MEGF6: variants seen among roughly 807,000 people sequenced by gnomAD.
MEGF6 encodes multiple epidermal growth factor-like domains protein 6.
MEGF6 carries 184 observed loss-of-function variants against 207.1 expected under a neutral mutation model. The observed-to-expected ratio is 0.89, with a 90% CI of 0.79 to 1.00. The LOEUF is 1.00. Ranked by LOEUF, MEGF6 falls within the 50% of genes least tolerant of loss-of-function variation. The pLI is 0.00. For missense variants in MEGF6, 2,282 were observed against 2,202.9 expected (o/e 1.04, Z -0.72); for synonymous variants, 1,038 against 910.0 (o/e 1.14, Z -2.53).
At chr1:3,510,924 C>A (rs757079756) in intron 9 of MEGF6, 22 bp from the exon 10 acceptor site, 2 of 1,583,874 alleles carry the variant, frequency 1.3e-6, no homozygotes, top group Admixed American at 3.4e-5. Flanking sequence ...ACGCCACGGG[C>A]CCCCTGGTAC....
Position 3,499,614 on chromosome 1 carries a change from C to A in MEGF6, c.2939G>T (p.Gly980Val). 6.3e-7 allele frequency: 1 copy of A among 1,587,024 alleles called. No individual in the cohort carries two copies. The highest frequency in any genetic ancestry group is 8.6e-7 in the Non-Finnish European group (1 of 1,167,734). ...CTCGGCACAGCGGGGGCCCCGGCGG[C>A]CAGCGGGGCAGAGGCAGGAGCCATT... ...AVNGSCLCPA[G>V]RRGPRCAETC... is the part of the protein sequence containing the mutation. Residue 980 changes from glycine to valine, a missense_variant, in exon 23 of 37, where the codon GGC (glycine) becomes GTC (valine). Transcript: ENST00000356575.
intron 3 of MEGF6, among the ~76,000 whole-genome samples, chr1:3,592,831 C>T (rs184450121): frequency 0.017 from 2,518 of 152,338 alleles, 61 homozygotes; most frequent in South Asian, 0.091. Context: ...ACAAGCAAAT[C>T]TTGCGCTAAA....
At position 3,525,623 on chromosome 1, in the gene MEGF6, G is replaced by GCA. The variant is rs570576992; in HGVS notation, c.482-1379_482-1378dup. Among the ~76,000 whole-genome samples, 487 of 152,344 alleles carry GCA rather than the reference G, an allele frequency of 3.2e-3. 4 individuals are homozygous for GCA. Among genetic ancestry groups the GCA allele is most frequent in the Non-Finnish European group, 5.4e-3 (366 of 68,026 alleles). ...ACCTGCTCCTGTCCCCAGCCCCGTG[G>GCA]CACAGGCCACAGGGAAAGTGCTGGC... is the stretch of plus-strand genomic sequence containing the variant. On this transcript the variant is annotated intron_variant, in intron 4 of 36. Coordinates refer to ENST00000356575, the MANE Select transcript of MEGF6 (RefSeq NM_001409.4).
At chr1:3,514,459 C>T (rs746402907) in intron 7 of MEGF6, 91 bp downstream of exon 7, 318 of 1,447,212 alleles carry the variant, frequency 2.2e-4, no homozygotes, top group Admixed American at 3.6e-4. Context: ...CATGGGAGGC[C>T]ACGGCCCCAG....
In MEGF6 at chr1:3,507,290, G is replaced by T. The variant is rs183509685; in HGVS notation, c.1789+505C>A. Among the ~76,000 whole-genome samples, 141 of 152,338 alleles carry T rather than the reference G, an allele frequency of 9.3e-4. 1 individual carries two copies. The highest frequency in any genetic ancestry group is 6.9e-3 in the Admixed American group (105 of 15,308). ...AGAGGCAGAAATGATGAAGTCTGAA[G>T]ACTTAAAGATGAAGCTTTAGCCACC... On this transcript the variant is annotated intron_variant, in intron 14 of 36. Coordinates refer to ENST00000356575, the MANE Select transcript of MEGF6 (RefSeq NM_001409.4).
rs1361988554 is a variant in MEGF6, at chr1:3,611,238, C to T, written c.31G>A (p.Gly11Arg). 1 of 1,531,192 alleles carries T rather than the reference C, an allele frequency of 6.5e-7. No individual in the cohort carries two copies. The highest frequency in any genetic ancestry group is 1.2e-5 in the South Asian group (1 of 82,994). The allele number at this position is 1,531,192 out of a possible 1,614,324, so 94.9% of individuals were successfully genotyped here. Residue 11 changes from glycine (G) to arginine (R), a missense_variant, in exon 1 of 37, where the codon GGG (glycine) becomes AGG (arginine). Transcript: ENST00000356575. MSFLEEARAA[G>R]RAVVLALVLL... ...ACCAACGCCAGGACCACCGCGCGCC[C>T]CGCTGCCCTCGCCTCTTCAAGGAAC... is the stretch of plus-strand genomic sequence containing the variant.
chr1:3,549,794 G>A (rs1642827369), intron 4 of MEGF6, among the ~76,000 whole-genome samples: 1 of 152,234 alleles, frequency 6.6e-6, no homozygotes, highest in Non-Finnish European at 1.5e-5. Flanking sequence ...CGTACAAGGT[G>A]AGTCTTGAGC....
At chr1:3,586,656 G>A (rs949321396) in intron 3 of MEGF6, among the ~76,000 whole-genome samples, 4 of 152,184 alleles carry the variant, frequency 2.6e-5, no homozygotes, top group African/African-American at 4.8e-5. Context: ...GCTGGGACTC[G>A]GGGCTGGCAT....
chr1:3,604,940 C>T (rs1258125374), intron 1 of MEGF6, among the ~76,000 whole-genome samples: 3 of 152,082 alleles, frequency 2.0e-5, no homozygotes, highest in African/African-American at 4.8e-5. Context: ...CAGACTACAG[C>T]ACCCATGGGG....
In MEGF6 at chr1:3,560,636, C is replaced by A; in HGVS notation, c.481+19189G>T. On this transcript the variant is annotated intron_variant, in intron 4 of 36. Coordinates refer to ENST00000356575, the MANE Select transcript of MEGF6 (RefSeq NM_001409.4). This position sits in a 1 kb window ranked among gnomAD's most constrained non-coding sequence, Gnocchi z 4.0. ...TAGGCAGGGAAAGGCTCTGGGGATC[C>A]GGGGTCCCTTCCCAGGCTTGGGGGA... 2.3e-6 allele frequency: 1 copy of A among 433,622 alleles called. No homozygotes were observed. The highest frequency in any genetic ancestry group is 2.7e-5 in the Admixed American group (1 of 37,370). 26.9% of individuals were successfully genotyped at this position (433,622 alleles called of 1,614,324 possible).
At chr1:3,600,445 G>C (rs931297414) in intron 2 of MEGF6, among the ~76,000 whole-genome samples, 3 of 152,202 alleles carry the variant, frequency 2.0e-5, no homozygotes, top group African/African-American at 7.2e-5. Flanking sequence ...GGTTAGGGAC[G>C]GGGACTCCTG....
rs1317735594 is a variant in MEGF6, at chr1:3,494,388, C to A, written c.4112G>T (p.Gly1371Val). ...GTCRCGPGFY[G>V]QACEHPCPPG... ...CAACTCACGGTGCTCGCAGGCCTGG[C>A]CATAGAAGCCGGGGCCGCAGCGGCA... Residue 1371 changes from glycine to valine, a missense_variant, in exon 32 of 37, where the codon GGC becomes GTC. Physicochemically the swap from Gly to Val is moderately radical, Grantham distance 109 (BLOSUM62 -3). Coordinates refer to ENST00000356575, the MANE Select transcript of MEGF6 (RefSeq NM_001409.4). 6.5e-7 allele frequency: 1 copy of A among 1,547,710 alleles called. No individual in the cohort carries two copies. Among genetic ancestry groups the A allele is most frequent in the Admixed American group, 1.9e-5 (1 of 51,562 alleles).
rs1569924654 is a variant in MEGF6 at position 3,493,988 on chromosome 1, G to A, written c.4258+8C>T. The A allele has an allele frequency of 1.3e-6, 2 of 1,595,526 alleles. No homozygotes were observed. The highest frequency in any genetic ancestry group is 4.5e-5 in the East Asian group (2 of 43,986). On this transcript the variant is annotated splice_region_variant and intron_variant, in intron 33 of 36. Coordinates refer to ENST00000356575, the MANE Select transcript of MEGF6 (RefSeq NM_001409.4). The stretch of plus-strand genomic sequence containing the variant: ...GAGCGGGGGTTCAGGGAGGCACCAA[G>A]CACTCACCCCTCTCACAGAAGTGGC...
chr1:3,555,394 C>G (rs1381727176), intron 4 of MEGF6, among the ~76,000 whole-genome samples: 1 of 152,182 alleles, frequency 6.6e-6, no homozygotes, highest in Admixed American at 6.5e-5. Context: ...GTGGCTGACC[C>G]CCAAGCCGCT....
chr1:3,501,238 G>A lies in MEGF6; in HGVS notation c.2385C>T (p.Cys795=), dbSNP rs368222073. 3.5e-5 allele frequency: 56 copies of A among 1,610,658 alleles called. No homozygotes were observed. The highest frequency in any genetic ancestry group is 5.0e-5 in the Admixed American group (3 of 59,804). The part of the protein sequence containing the change: ...ICPACQHAAR[C]DPETGACLCL... ...ACAGGCAGGCTCCGGTCTCAGGGTC[G>A]CAGCGGGCAGCGTGCTGGCATGCTG... The change falls in exon 19 of 37, where the codon TGC becomes TGT. Residue 795 remains cysteine (C), a synonymous_variant. Coordinates refer to ENST00000356575, the MANE Select transcript of MEGF6 (RefSeq NM_001409.4).
intron 4 of MEGF6, chr1:3,531,554 C>G: frequency 2.1e-6 from 2 of 956,222 alleles, no homozygotes; most frequent in South Asian, 9.6e-5. Flanking sequence ...GGGGCCGCGC[C>G]GGCCCGCCCG....
At chr1:3,616,068 G>A (rs1644376250), upstream of MEGF6, among the ~76,000 whole-genome samples, 1 of 152,220 alleles carries the variant, frequency 6.6e-6, no homozygotes, top group Non-Finnish European at 1.5e-5. Context: ...ATAACGTAGG[G>A]AGAAAGAAGA....
chr1:3,502,669 C>T (rs559008461), intron 17 of MEGF6, among the ~76,000 whole-genome samples: 2 of 152,074 alleles, frequency 1.3e-5, no homozygotes, highest in African/African-American at 4.8e-5. Context: ...GGGGAGAGAA[C>T]GTGGGGGCTG....
At chr1:3,529,733 T>A (rs117361977) in intron 4 of MEGF6, among the ~76,000 whole-genome samples, 5,743 of 152,006 alleles carry the variant, frequency 0.038, 175 homozygotes, top group East Asian at 0.11. Flanking sequence ...ACCACCCACG[T>A]CCCACAGCTC....
Sources: gnomAD v4.1 joint callset for allele counts (sites outside exome capture counted in the v4.1 genomes callset) on GRCh38, gnomAD v4.1.1 for gene constraint, Gnocchi (gnomAD v3.1) non-coding constraint, MANE v1.5 for transcripts, NCBI Gene and HGNC (gene_info 2026-07-23, HGNC 2026-07-21) for gene names.